Variants in ST6GALNAC3 observed in about 807,000 individuals in gnomAD.
ST6GALNAC3 encodes ST6 N-acetylgalactosaminide alpha-2,6-sialyltransferase 3.
Under a neutral mutation model 32.7 loss-of-function variants are expected in ST6GALNAC3, and 25 were observed. The ratio of observed to expected loss-of-function variants is 0.76; its 90% confidence interval spans 0.56 to 1.07. The LOEUF is 1.07. Ranked by LOEUF, ST6GALNAC3 falls within the 50% of genes least tolerant of loss-of-function variation. The pLI, the probability that ST6GALNAC3 is intolerant of heterozygous loss-of-function variation, is 0.00. For missense variants in ST6GALNAC3, 355 were observed against 382.4 expected (o/e 0.93, Z 0.60); for synonymous variants, 129 against 133.1 (o/e 0.97, Z 0.21).
At chr1:76,394,110 C>T (rs1652767449) in intron 2 of ST6GALNAC3, among the ~76,000 whole-genome samples, 1 of 152,154 alleles carries the variant, frequency 6.6e-6, no homozygotes, top group South Asian at 2.1e-4. Context: ...GATAGGGAGG[C>T]TGCTCTTGGA....
intron 3 of ST6GALNAC3, among the ~76,000 whole-genome samples, chr1:76,562,289 G>A (rs1049419488): frequency 6.6e-6 from 1 of 152,296 alleles, no homozygotes; most frequent in Admixed American, 6.5e-5. Context: ...AAAGTCGGGG[G>A]AGGATCACTA....
chr1:76,493,753 C>T (rs1401272926), intron 3 of ST6GALNAC3, among the ~76,000 whole-genome samples: 1 of 151,986 alleles, frequency 6.6e-6, no homozygotes, highest in Non-Finnish European at 1.5e-5. Flanking sequence ...ATCTGTTAGG[C>T]CCACTTTGTC....
chr1:76,157,553 T>C (rs932199559), intron 1 of ST6GALNAC3, among the ~76,000 whole-genome samples: 1 of 152,238 alleles, frequency 6.6e-6, no homozygotes, highest in East Asian at 1.9e-4. Flanking sequence ...AGCACCTTTT[T>C]CTTCCATCCA....
At chr1:76,224,282 A>G (rs1655945640) in intron 1 of ST6GALNAC3, among the ~76,000 whole-genome samples, 1 of 151,928 alleles carries the variant, frequency 6.6e-6, no homozygotes. Context: ...CCTTTATAAC[A>G]CTCATCACCT....
At chr1:76,443,189 C>A (rs1656736954) in intron 3 of ST6GALNAC3, among the ~76,000 whole-genome samples, 1 of 152,112 alleles carries the variant, frequency 6.6e-6, no homozygotes, top group Non-Finnish European at 1.5e-5. Context: ...GGGTCTCACT[C>A]TGTCCAAGCT....
At chr1:76,581,357 C>G (rs538181180) in intron 3 of ST6GALNAC3, among the ~76,000 whole-genome samples, 3 of 152,236 alleles carry the variant, frequency 2.0e-5, no homozygotes, top group African/African-American at 7.2e-5. Flanking sequence ...CATAATCTAT[C>G]TGGGTGCTAA....
chr1:76,566,540 A>G (rs954295069), intron 3 of ST6GALNAC3, among the ~76,000 whole-genome samples: 7 of 151,906 alleles, frequency 4.6e-5, no homozygotes, highest in African/African-American at 1.7e-4. Context: ...AGACCTCCCA[A>G]CACAGCCCTG....
At chr1:76,463,618 C>G (rs1658429828) in intron 3 of ST6GALNAC3, among the ~76,000 whole-genome samples, 1 of 152,112 alleles carries the variant, frequency 6.6e-6, no homozygotes, top group African/African-American at 2.4e-5. Context: ...TTGTTGTACC[C>G]TGGGGTTATA....
chr1:76,555,346 C>A (rs1263145695), intron 3 of ST6GALNAC3, among the ~76,000 whole-genome samples: 2 of 152,110 alleles, frequency 1.3e-5, no homozygotes, highest in African/African-American at 4.8e-5. Flanking sequence ...ATTCTAGTTT[C>A]TGTGGAATTA....
At chr1:76,581,698 T>C (rs4300268) in intron 3 of ST6GALNAC3, among the ~76,000 whole-genome samples, 30,075 of 151,938 alleles carry the variant, frequency 0.2, 3,093 homozygotes, top group Middle Eastern at 0.27. Context: ...TTCATATTTT[T>C]CAACCTTCTA....
At chr1:76,188,249 T>C (rs7534199) in intron 1 of ST6GALNAC3, among the ~76,000 whole-genome samples, 141,493 of 152,112 alleles carry the variant, frequency 0.93, 66,684 homozygotes, top group East Asian at 1. Context: ...GTAATCCCAG[T>C]TACTCAGGAG....
intron 2 of ST6GALNAC3, among the ~76,000 whole-genome samples, chr1:76,328,181 C>T (rs2100948006): frequency 6.6e-6 from 1 of 152,294 alleles, no homozygotes; most frequent in South Asian, 2.1e-4. Context: ...ACAGAAAGGA[C>T]ATCCAATATG....
At chr1:76,212,906 G>A (rs1388688609) in intron 1 of ST6GALNAC3, among the ~76,000 whole-genome samples, 2 of 152,170 alleles carry the variant, frequency 1.3e-5, no homozygotes, top group African/African-American at 4.8e-5. Context: ...TAAAACACAG[G>A]AAGGGAGAAA....
chr1:76,230,847 A>G (rs1296490127), intron 1 of ST6GALNAC3, among the ~76,000 whole-genome samples: 6 of 152,234 alleles, frequency 3.9e-5, no homozygotes, highest in Non-Finnish European at 8.8e-5. Context: ...AGTGCTTACT[A>G]TGTGCACTGT....
intron 2 of ST6GALNAC3, among the ~76,000 whole-genome samples, chr1:76,361,016 G>A (rs1029722388): frequency 2.6e-5 from 4 of 151,856 alleles, no homozygotes; most frequent in Admixed American, 1.3e-4. Flanking sequence ...AATGAGTGAT[G>A]AATTAAATGT....
intron 3 of ST6GALNAC3, among the ~76,000 whole-genome samples, chr1:76,619,518 AC>A (rs1304169965): frequency 1.3e-5 from 2 of 152,062 alleles, no homozygotes; most frequent in Non-Finnish European, 2.9e-5. Flanking sequence ...TTCATTCTCA[AC>A]TCTGAATTAA....
At position 76,120,088 on chromosome 1, in the gene ST6GALNAC3, C is replaced by A. The variant is rs557662537; in HGVS notation, c.18+45204C>A. ...CTGCATTTGGTGGGAGCTTTGAATT[C>A]TCTGACTGGACTTGAAGGACCTTCC... On this transcript the variant is annotated intron_variant, in intron 1 of 4. Coordinates refer to ENST00000328299, the MANE Select transcript of ST6GALNAC3 (RefSeq NM_152996.4). 2.0e-4 allele frequency among the ~76,000 whole-genome samples: 31 copies of A among 152,354 alleles called. No homozygotes were observed. In the South Asian group the frequency reaches 2.3e-3, roughly 11 times the overall value.
intron 3 of ST6GALNAC3, among the ~76,000 whole-genome samples, chr1:76,451,973 A>G (rs186030197): frequency 6.6e-5 from 10 of 152,292 alleles, no homozygotes; most frequent in African/African-American, 2.4e-4. Context: ...AAGTGGTAAG[A>G]CTGGACATCC....
chr1:76,376,421 G>A (rs1370492939), intron 2 of ST6GALNAC3, among the ~76,000 whole-genome samples: 2 of 152,090 alleles, frequency 1.3e-5, no homozygotes, highest in African/African-American at 4.8e-5. Context: ...TCTATCACAA[G>A]GATATCTCAT....
Sources: allele counts gnomAD v4.1 joint callset (sites outside exome capture counted in the v4.1 genomes callset), GRCh38; gene constraint gnomAD v4.1.1; transcripts MANE v1.5; gene names NCBI Gene and HGNC (gene_info 2026-07-23, HGNC 2026-07-21).